LAMA2: variants seen among roughly 807,000 people sequenced by gnomAD.
LAMA2 encodes the protein laminin subunit alpha 2.
A neutral mutation model predicts 364.8 loss-of-function variants in LAMA2; 269 were observed. The observed-to-expected ratio is 0.74, with a 90% confidence interval of 0.67 to 0.82. The LOEUF (loss-of-function observed/expected upper bound fraction) is 0.82, where lower values mean the gene tolerates loss of function less well. LAMA2 is among the 40% of genes least tolerant of loss of function. LAMA2 has a pLI of 0.00. For synonymous variants in LAMA2, 1,379 were observed against 1,370.6 expected, an observed-to-expected ratio of 1.01 and a Z score of -0.14; for missense variants, 3,807 against 3,873.2, an observed-to-expected ratio of 0.98 and a Z score of 0.45.
chr6:129,366,636 G>A (rs1045622908), intron 33 of LAMA2, among the ~76,000 whole-genome samples: 1 of 151,998 alleles, frequency 6.6e-6, no homozygotes, highest in Non-Finnish European at 1.5e-5. Context: ...ATAAAATCAG[G>A]TATAAACTCT....
chr6:129,120,204 T>C (rs971535062), intron 4 of LAMA2, among the ~76,000 whole-genome samples: 1 of 152,202 alleles, frequency 6.6e-6, no homozygotes, highest in African/African-American at 2.4e-5. Context: ...ATTATTTGTG[T>C]CCGAAAGTCA....
At chr6:129,028,810 C>A (rs186047538) in intron 1 of LAMA2, among the ~76,000 whole-genome samples, 1 of 151,866 alleles carries the variant, frequency 6.6e-6, no homozygotes, top group East Asian at 1.9e-4. Context: ...TAATTATCAA[C>A]CCTTTATTAT....
intron 40 of LAMA2, among the ~76,000 whole-genome samples, chr6:129,412,759 C>T (rs9375624): frequency 3.9e-5 from 6 of 152,222 alleles, no homozygotes; most frequent in East Asian, 3.9e-4. Flanking sequence ...TGACACCATA[C>T]AGTGTAGCCT....
chr6:129,106,586 G>A (rs1330677427), intron 4 of LAMA2, among the ~76,000 whole-genome samples: 2 of 151,904 alleles, frequency 1.3e-5, no homozygotes, highest in Non-Finnish European at 2.9e-5. Flanking sequence ...ACCAATGTGG[G>A]GCCAATCAGT....
intron 1 of LAMA2, among the ~76,000 whole-genome samples, chr6:129,048,330 A>G (rs1233549630): frequency 6.6e-6 from 1 of 152,156 alleles, no homozygotes; most frequent in Non-Finnish European, 1.5e-5. Context: ...GAAAATACAA[A>G]TTCAAGATCT....
intron 4 of LAMA2, among the ~76,000 whole-genome samples, chr6:129,098,944 G>A (rs1156776691): frequency 1.3e-5 from 2 of 152,156 alleles, no homozygotes; most frequent in Non-Finnish European, 2.9e-5. Flanking sequence ...GGAAGTCTTA[G>A]GTTCTCAGTG....
intron 13 of LAMA2, among the ~76,000 whole-genome samples, chr6:129,251,155 T>C (rs1472397647): frequency 6.7e-6 from 1 of 149,154 alleles, no homozygotes; most frequent in Non-Finnish European, 1.5e-5. Context: ...AAGAGTTCTC[T>C]AAATGTAAAG....
At chr6:129,501,504 GA>G (rs1271438578) in intron 58 of LAMA2, among the ~76,000 whole-genome samples, 2 of 152,184 alleles carry the variant, frequency 1.3e-5, no homozygotes, top group Non-Finnish European at 2.9e-5. Flanking sequence ...AGAGAAAAGA[GA>G]ACAAGGCTTT....
chr6:129,236,407 C>T (rs1386826623), intron 12 of LAMA2, among the ~76,000 whole-genome samples: 1 of 152,032 alleles, frequency 6.6e-6, no homozygotes, highest in African/African-American at 2.4e-5. Context: ...CTCAGAACTC[C>T]CTTCCCTTGT....
rs372761123 is a variant in LAMA2, at chr6:129,102,279, G to A, written c.639+3864G>A. Among the ~76,000 whole-genome samples the A allele has an allele frequency of 9.9e-5, 15 of 151,848 alleles. 1 individual carries two copies. The East Asian group carries it at 2.3e-3, about 24-fold the overall frequency. On this transcript the variant is annotated intron_variant, in intron 4 of 64. Coordinates refer to ENST00000421865, the MANE Select transcript of LAMA2 (RefSeq NM_000426.4). ...AGCCTCCTGAGTAGCTGGGATTACAGGCGCGTGCCACCATGTCCACTTGAT... is the reference window on the plus strand; with the variant it reads ...AGCCTCCTGAGTAGCTGGGATTACAAGCGCGTGCCACCATGTCCACTTGAT...
rs768274050 is a variant in LAMA2 at position 129,512,503 on chromosome 6, A to G, written c.8988+10A>G. 7 of 1,613,314 alleles carry G rather than the reference A, an allele frequency of 4.3e-6. No homozygotes were observed. Among genetic ancestry groups the G allele is most frequent in the Non-Finnish European group, 5.9e-6 (7 of 1,179,326 alleles). On this transcript the variant is annotated intron_variant, in intron 63 of 64. Coordinates refer to ENST00000421865, the MANE Select transcript of LAMA2 (RefSeq NM_000426.4). ...AATGATTGATGAAAAGGTGAGTGTC[A>G]GCAATGCAAACATTTCTGATTTCTT...
intron 1 of LAMA2, among the ~76,000 whole-genome samples, chr6:129,009,078 T>C (rs1784611802): frequency 6.6e-6 from 1 of 152,186 alleles, no homozygotes; most frequent in Non-Finnish European, 1.5e-5. Context: ...ATGATGAATT[T>C]TGAGATAGGG....
intron 12 of LAMA2, among the ~76,000 whole-genome samples, chr6:129,206,125 G>GA (rs1782655448): frequency 8.1e-6 from 1 of 122,858 alleles, no homozygotes; most frequent in South Asian, 2.9e-4. Context: ...AGGAAGGAAG[G>GA]AAGGAAGGAA....
At chr6:129,287,809 T>TC in intron 18 of LAMA2, 38 bp from the exon 19 acceptor site, 1 of 1,511,686 alleles carries the variant, frequency 6.6e-7, no homozygotes, top group Non-Finnish European at 9.2e-7. Flanking sequence ...CCAACTGAGG[T>TC]CCCCCCAAAG....
chr6:129,218,245 T>C (rs987384788), intron 12 of LAMA2, among the ~76,000 whole-genome samples: 2 of 152,192 alleles, frequency 1.3e-5, no homozygotes, highest in African/African-American at 4.8e-5. Flanking sequence ...ACAATATTTT[T>C]CTTCTTCTAG....
rs546829312 is a variant in LAMA2 at position 128,979,890 on chromosome 6, T to C, written c.113-70028T>C. On this transcript the variant is annotated intron_variant, in intron 1 of 64. Coordinates refer to ENST00000421865, the MANE Select transcript of LAMA2 (RefSeq NM_000426.4). ...TGCTAAAGTGATTCATTTATAAAGT[T>C]CTTGTCAAAACAACCAGTGTATTTA... 2.6e-3 allele frequency among the ~76,000 whole-genome samples: 400 copies of C among 152,348 alleles called. 1 individual carries two copies. The highest frequency in any genetic ancestry group is 9.2e-3 in the African/African-American group (383 of 41,578).
At chr6:128,921,697 G>GTTTTTTTTTTTTTTTTTTTTTTTTTTTT (rs547882651) in intron 1 of LAMA2, among the ~76,000 whole-genome samples, 4 of 118,048 alleles carry the variant, frequency 3.4e-5, no homozygotes, top group African/African-American at 1.5e-4. Flanking sequence ...ATGAATGTCT[G>GTTTTTTTTTTTTTTTTTTTTTTTTTTTT]TTTTTTTTTT....
At chr6:129,051,416 A>G (rs7765865) in intron 2 of LAMA2, among the ~76,000 whole-genome samples, 7,080 of 138,324 alleles carry the variant, frequency 0.051, 564 homozygotes, top group African/African-American at 0.18. Context: ...GGGTTCAAGC[A>G]ATTCTCCTGC....
intron 8 of LAMA2, among the ~76,000 whole-genome samples, chr6:129,160,272 G>C (rs890237141): frequency 6.6e-6 from 1 of 151,960 alleles, no homozygotes; most frequent in Admixed American, 6.5e-5. Context: ...TAGACATAGG[G>C]TTAGATAGGT....
Sources: gnomAD v4.1 joint callset for allele counts (sites outside exome capture counted in the v4.1 genomes callset) on GRCh38, gnomAD v4.1.1 for gene constraint, MANE v1.5 for transcripts, NCBI Gene and HGNC (gene_info 2026-07-23, HGNC 2026-07-21) for gene names.